Variants in TPP2 observed in about 807,000 individuals in gnomAD.
TPP2 encodes tripeptidyl peptidase 2.
Under a neutral mutation model 155.9 loss-of-function variants are expected in TPP2, and 34 were observed. The ratio of observed to expected loss-of-function variants is 0.22; its 90% CI spans 0.17 to 0.29. The LOEUF (loss-of-function observed/expected upper bound fraction) is 0.29, where lower values mean the gene tolerates loss of function less well. Among genes scored for constraint, TPP2 ranks in the 10% least tolerant of loss-of-function variants. The pLI, the probability that TPP2 is intolerant of heterozygous loss-of-function variation, is 1.00. For synonymous variants in TPP2, 510 were observed against 529.4 expected, an observed-to-expected ratio of 0.96 and a Z score of 0.50; for missense variants, 1,028 against 1,522.3, an observed-to-expected ratio of 0.68 and a Z score of 5.40.
intron 17 of TPP2, among the ~76,000 whole-genome samples, chr13:102,644,084 T>G (rs529188868): frequency 6.6e-6 from 1 of 152,310 alleles, no homozygotes; most frequent in South Asian, 2.1e-4. Context: ...TTTCCTTATC[T>G]TTATTTTTTA....
intron 19 of TPP2, 109 bp from the exon 20 acceptor site, chr13:102,646,185 G>T: frequency 1.4e-6 from 1 of 713,118 alleles, no homozygotes; most frequent in Admixed American, 3.0e-5. Flanking sequence ...TCTCAGGAAG[G>T]TTCATCTGCA....
intron 2 of TPP2, among the ~76,000 whole-genome samples, chr13:102,609,695 C>G (rs150397089): frequency 5.9e-5 from 9 of 152,110 alleles, no homozygotes; most frequent in Admixed American, 5.9e-4. Flanking sequence ...CCGTGCCCAG[C>G]CCCCATGCAT....
intron 21 of TPP2, 112 bp from the exon 22 acceptor site, chr13:102,648,795 T>C: frequency 7.2e-7 from 1 of 1,391,584 alleles, no homozygotes; most frequent in Non-Finnish European, 9.5e-7. Flanking sequence ...GCACTGTACC[T>C]CACATATTAT....
At chr13:102,652,168 C>T (rs762240826) in intron 24 of TPP2, among the ~76,000 whole-genome samples, 2 of 151,940 alleles carry the variant, frequency 1.3e-5, no homozygotes, top group African/African-American at 2.4e-5. Context: ...TTGAGCTCAG[C>T]GGTTTGAAAC....
chr13:102,644,485 C>A, intron 17 of TPP2, 72 bp from the exon 18 acceptor site: 1 of 1,288,472 alleles, frequency 7.8e-7, no homozygotes. Context: ...TGCTCTGAAA[C>A]AGCTAGTATT....
At chr13:102,647,751 T>A (rs536115627) in intron 21 of TPP2, among the ~76,000 whole-genome samples, 1 of 152,190 alleles carries the variant, frequency 6.6e-6, no homozygotes, top group African/African-American at 2.4e-5. Context: ...GCCGCATGTC[T>A]TCAGTTCATT....
At chr13:102,607,113 C>G (rs1006555240) in intron 2 of TPP2, among the ~76,000 whole-genome samples, 1 of 152,200 alleles carries the variant, frequency 6.6e-6, no homozygotes, top group Non-Finnish European at 1.5e-5. Flanking sequence ...TTCACCTATG[C>G]TCAACCATGC....
chr13:102,638,115 GT>G (rs1016333547), intron 14 of TPP2, 123 bp from the exon 15 acceptor site: 1 of 853,090 alleles, frequency 1.2e-6, no homozygotes, highest in Non-Finnish European at 1.9e-6. Flanking sequence ...GGAAATTGGT[GT>G]CAACCTCTGG....
At chr13:102,663,507 C>A in intron 25 of TPP2, 141 bp from the exon 26 acceptor site, 1 of 578,134 alleles carries the variant, frequency 1.7e-6, no homozygotes. Context: ...AATGATAATC[C>A]TTGTCAATGA....
At chr13:102,644,264 C>A (rs868279595) in intron 17 of TPP2, among the ~76,000 whole-genome samples, 1 of 152,048 alleles carries the variant, frequency 6.6e-6, no homozygotes, top group Admixed American at 6.6e-5. Flanking sequence ...TATTTCACTT[C>A]GAAATAATAA....
intron 8 of TPP2, among the ~76,000 whole-genome samples, chr13:102,628,495 C>T (rs1881795321): frequency 6.6e-6 from 1 of 152,148 alleles, no homozygotes; most frequent in African/African-American, 2.4e-5. Context: ...CTAACTCGGT[C>T]AGTTTTCACA....
intron 10 of TPP2, 34 bp downstream of exon 10, chr13:102,630,229 T>C: frequency 1.3e-6 from 2 of 1,531,314 alleles, no homozygotes; most frequent in Non-Finnish European, 1.8e-6. Context: ...CCATTACGTA[T>C]ATTCGGTTAA....
intron 2 of TPP2, among the ~76,000 whole-genome samples, chr13:102,608,282 T>A (rs1426398924): frequency 6.6e-6 from 1 of 152,218 alleles, no homozygotes; most frequent in Non-Finnish European, 1.5e-5. Context: ...CTAATATTTT[T>A]TATTTCTTGA....
At chr13:102,599,986 TA>T (rs67928668) in intron 1 of TPP2, among the ~76,000 whole-genome samples, 90,178 of 142,628 alleles carry the variant, frequency 0.63, 28,503 homozygotes, top group African/African-American at 0.79. Flanking sequence ...TTAGATTCCT[TA>T]AAAAAAAAAA....
intron 1 of TPP2, 146 bp from the exon 2 acceptor site, chr13:102,604,647 C>T: frequency 2.2e-6 from 2 of 910,826 alleles, no homozygotes; most frequent in South Asian, 1.9e-5. Context: ...AGTATTTGTT[C>T]AGGCTTTTGG....
intron 24 of TPP2, among the ~76,000 whole-genome samples, chr13:102,653,389 C>T (rs593035): frequency 0.5 from 75,422 of 151,682 alleles, 19,127 homozygotes; most frequent in African/African-American, 0.6. Flanking sequence ...AATATATTTT[C>T]TGTTTGTTTG....
Position 102,644,931 on chromosome 13 carries a change from G to T in TPP2, c.2315G>T (p.Arg772Leu). 6.2e-7 allele frequency: 1 copy of T among 1,613,904 alleles called. No homozygotes were observed. Among genetic ancestry groups the T allele is most frequent in the Non-Finnish European group, 8.5e-7 (1 of 1,179,918 alleles). Residue 772 changes from arginine to leucine, a missense_variant, in exon 19 of 30, where the codon CGC becomes CTC. This residue lies in a region of TPP2 where 325 missense variants were observed against 463.7 expected (regional missense o/e 0.70). Coordinates refer to ENST00000376052, the MANE Select transcript of TPP2 (RefSeq NM_001330588.2). Reference protein sequence around the residue: ...LNIHASEGINRFDVQSSLKYE... With the variant: ...LNIHASEGINLFDVQSSLKYE... ...TAGCATGCATCGGAAGGAATCAACC[G>T]CTTTGATGTTCAGTCCTCCTTGAAA... is the stretch of plus-strand genomic sequence containing the variant.
rs191404606 is a variant in TPP2 at position 102,631,798 on chromosome 13, A to G, written c.1244+1603A>G. On this transcript the variant is annotated intron_variant, in intron 10 of 29. Transcript: ENST00000376052. ...TAATTTGCTTTAATTATTACATTAGATGGTATAAAATATGAAACATTGATT... is the reference window on the plus strand; with the variant it reads ...TAATTTGCTTTAATTATTACATTAGGTGGTATAAAATATGAAACATTGATT... 2.6e-5 allele frequency among the ~76,000 whole-genome samples: 4 copies of G among 152,368 alleles called. No individual in the cohort carries two copies. The East Asian group carries it at 7.7e-4, about 29-fold the overall frequency.
chr13:102,674,325 T>C lies in TPP2; in HGVS notation c.3414T>C (p.Cys1138=). 6.2e-7 allele frequency: 1 copy of C among 1,613,792 alleles called. No individual in the cohort carries two copies. The highest frequency in any genetic ancestry group is 8.5e-7 in the Non-Finnish European group (1 of 1,179,766). The change falls in exon 28 of 30, where the codon TGT becomes TGC. Residue 1138 remains cysteine (C), a synonymous_variant. Transcript: ENST00000376052. ...KQKSTLVDAL[C]RKGCALADHL... is the part of the protein sequence containing the mutation. ...AATCCACCCTCGTAGATGCCCTTTG[T>C]AGGAAAGGTTGTGCCCTGGCAGACC...
Sources: gnomAD v4.1 joint callset for allele counts (sites outside exome capture counted in the v4.1 genomes callset) on GRCh38, gnomAD v4.1.1 for gene constraint, gnomAD v4.1.1 regional missense constraint, MANE v1.5 for transcripts, NCBI Gene and HGNC (gene_info 2026-07-23, HGNC 2026-07-21) for gene names.